Variants in TCFL5 observed in about 807,000 individuals in gnomAD.
TCFL5 encodes transcription factor like 5.
Under a neutral mutation model 44.3 loss-of-function variants are expected in TCFL5, and 9 were observed. That is an observed-to-expected ratio of 0.20 (90% confidence interval 0.12 to 0.35). The LOEUF (loss-of-function observed/expected upper bound fraction) is 0.35, where lower values mean the gene tolerates loss of function less well. Ranked by LOEUF, TCFL5 falls within the 10% of genes least tolerant of loss-of-function variation. The probability of loss-of-function intolerance (pLI) is 1.00; values close to 1 mark genes in which losing one functional copy is unlikely to be tolerated. For missense variants in TCFL5, 603 were observed against 613.4 expected (o/e 0.98, Z 0.18); for synonymous variants, 319 against 271.6 (o/e 1.17, Z -1.72).
rs1174399962 is a variant in TCFL5 at position 62,860,136 on chromosome 20, A to G, written c.820T>C (p.Ser274Pro). The stretch of plus-strand genomic sequence containing the variant: ...ATCATGTTCCCTACCTGTGTCTGTG[A>G]AAGATTAGAATTTCCACTAGTAGAG... The part of the protein sequence containing the change: ...ACSTSGNSNL[S>P]QTQSSSNSCS... The change falls in exon 2 of 6, where the codon TCA (serine) becomes CCA (proline). Residue 274 changes from serine to proline, a missense_variant. Ser to Pro is a moderately conservative substitution (Grantham distance 74). Coordinates refer to ENST00000335351, the MANE Select transcript of TCFL5 (RefSeq NM_006602.4). The G allele has an allele frequency of 6.2e-7, 1 of 1,607,316 alleles. No homozygotes were observed. The highest frequency in any genetic ancestry group is 8.5e-7 in the Non-Finnish European group (1 of 1,174,360).
intron 2 of TCFL5, 104 bp downstream of exon 2, chr20:62,860,021 A>T: frequency 2.6e-6 from 3 of 1,170,534 alleles, no homozygotes; most frequent in African/African-American, 1.5e-5. Flanking sequence ...AAAGGTTATT[A>T]AGCTCACTGA....
intron 5 of TCFL5, among the ~76,000 whole-genome samples, chr20:62,853,178 C>T (rs2063838834): frequency 6.6e-6 from 1 of 151,982 alleles, no homozygotes; most frequent in African/African-American, 2.4e-5. Context: ...AGTATAGTCA[C>T]CCAGTCCACA....
chr20:62,845,271 A>G (rs2063726236), intron 5 of TCFL5: 3 of 766,666 alleles, frequency 3.9e-6, no homozygotes, highest in African/African-American at 3.8e-5. Flanking sequence ...ACAGGCATGT[A>G]CCACCACGCC....
At chr20:62,858,307 C>T (rs184355564) in intron 3 of TCFL5, among the ~76,000 whole-genome samples, 3 of 152,350 alleles carry the variant, frequency 2.0e-5, no homozygotes, top group Non-Finnish European at 2.9e-5. Flanking sequence ...CTCATGTGCA[C>T]GCGTATGCCA....
chr20:62,851,783 C>T, intron 5 of TCFL5: 1 of 985,412 alleles, frequency 1.0e-6, no homozygotes, highest in Non-Finnish European at 1.2e-6. Flanking sequence ...CTGCGGGGAC[C>T]TCTCTCTAGC....
chr20:62,842,244 C>T lies in TCFL5; in HGVS notation c.1381-147G>A. Reference sequence around the variant, plus strand: ...GTGTCATTCACAAACTTGTGTCTTACCTCACAAGGGGATTTATATAATAAA... The same window carrying T: ...GTGTCATTCACAAACTTGTGTCTTATCTCACAAGGGGATTTATATAATAAA... On this transcript the variant is annotated intron_variant, in intron 5 of 5. Coordinates refer to ENST00000335351, the MANE Select transcript of TCFL5 (RefSeq NM_006602.4). This position sits in a 1 kb window ranked among gnomAD's most constrained non-coding sequence, Gnocchi z 4.3. The T allele has an allele frequency of 2.0e-6, 2 of 1,012,160 alleles. No homozygotes were observed. Among genetic ancestry groups the T allele is most frequent in the East Asian group, 2.6e-5 (1 of 38,028 alleles). The allele number at this position is 1,012,160 out of a possible 1,614,324, so 62.7% of individuals were successfully genotyped here. A position where few individuals can be genotyped will look rare whatever the true frequency, so the allele number is the denominator to read the frequency against.
rs746949742 is a variant in TCFL5, at chr20:62,841,991, G to A, written c.1487C>T (p.Ser496Leu). 19 of 1,614,120 alleles carry A rather than the reference G, an allele frequency of 1.2e-5. No homozygotes were observed. The highest frequency in any genetic ancestry group is 5.5e-5 in the South Asian group (5 of 91,078). Residue 496 changes from serine (S) to leucine (L), a missense_variant, in exon 6 of 6, where the codon TCG (serine) becomes TTG (leucine). Physicochemically the swap from Ser to Leu is moderately radical, Grantham distance 145. Around this residue, in one of 4 missense-constraint regions of TCFL5, gnomAD observed 41 missense variants for 61.4 expected, o/e 0.67. Transcript: ENST00000335351. Reference sequence around the variant, plus strand: ...TCAGTCCGATCACTTGATCTCCATCGAGGGGCTGCTCTGTAAACTCCCCTG... The same window carrying A: ...TCAGTCCGATCACTTGATCTCCATCAAGGGGCTGCTCTGTAAACTCCCCTG... The part of the protein sequence containing the change: ...PAQGSLQSSP[S>L]MEIK
In TCFL5 at chr20:62,861,222, G is replaced by T; in HGVS notation, c.449C>A (p.Ala150Glu). Residue 150 changes from alanine (A) to glutamate (E), a missense_variant, in exon 1 of 6, where the codon GCG (alanine) becomes GAG (glutamate). Physicochemically the swap from Ala to Glu is moderately radical, Grantham distance 107 (BLOSUM62 -1). This residue lies in a region of TCFL5 where 540 missense variants were observed against 478.7 expected (regional missense o/e 1.13). Coordinates refer to ENST00000335351, the MANE Select transcript of TCFL5 (RefSeq NM_006602.4). This position sits in a 1 kb window ranked among gnomAD's most constrained non-coding sequence, Gnocchi z 4.0. ...GGCGGCGCCGTCGGCCCGGGCCCTC[G>T]CTCCGTCCCCGCCGCCCGACGTCTT... ...AEKTSGGGDG[A>E]RARADGAAKE... is the part of the protein sequence containing the mutation. 8.7e-7 allele frequency: 1 copy of T among 1,146,884 alleles called. No individual in the cohort carries two copies. 71.0% of individuals were successfully genotyped at this position (1,146,884 alleles called of 1,614,324 possible). A position where few individuals can be genotyped will look rare whatever the true frequency, so the allele number is the denominator to read the frequency against.
At chr20:62,857,822 C>A (rs573122173) in intron 3 of TCFL5, among the ~76,000 whole-genome samples, 184 bp from the exon 4 acceptor site, 1 of 152,178 alleles carries the variant, frequency 6.6e-6, no homozygotes, top group South Asian at 2.1e-4. Flanking sequence ...GAAGCCCAAG[C>A]CTATTTTATA....
At chr20:62,852,959 C>T (rs1005571628) in intron 5 of TCFL5, 36 of 1,288,996 alleles carry the variant, frequency 2.8e-5, no homozygotes, top group South Asian at 1.9e-4. Flanking sequence ...TCACCTAGTC[C>T]GCAGAAGCAT....
chr20:62,845,337 G>A, intron 5 of TCFL5: 1 of 1,040,080 alleles, frequency 9.6e-7, no homozygotes, highest in South Asian at 2.0e-5. Context: ...TGGCCAGGCT[G>A]GTCTCGAACT....
In TCFL5 at chr20:62,854,007, ACC is replaced by A; in HGVS notation, c.1380+7_1380+8del. The A allele has an allele frequency of 1.2e-6, 2 of 1,613,018 alleles. No homozygotes were observed. Among genetic ancestry groups the A allele is most frequent in the East Asian group, 4.5e-5 (2 of 44,872 alleles). On this transcript the variant is annotated splice_region_variant and intron_variant, in intron 5 of 5. Transcript: ENST00000335351. ...AAAATTCTGAAAATCTACCTGGCCT[ACC>A]ACTAACCTTTTTAAGAGAATCTCCA... is the stretch of plus-strand genomic sequence containing the variant.
intron 5 of TCFL5, 40 bp downstream of exon 5, chr20:62,853,976 A>T: frequency 6.2e-7 from 1 of 1,604,824 alleles, no homozygotes. Flanking sequence ...GTTAAGTAAA[A>T]TTTGTAAAAT....
chr20:62,855,173 C>T (rs931577032), intron 4 of TCFL5, among the ~76,000 whole-genome samples: 8 of 152,146 alleles, frequency 5.3e-5, no homozygotes, highest in African/African-American at 1.9e-4. Flanking sequence ...AATTTTCTTT[C>T]TTTGGGGGAT....
intron 5 of TCFL5, among the ~76,000 whole-genome samples, chr20:62,853,656 T>C (rs955026217): frequency 1.3e-5 from 2 of 152,202 alleles, no homozygotes; most frequent in African/African-American, 2.4e-5. Flanking sequence ...TGGCCGGTTT[T>C]TGTTTTTCTA....
In TCFL5 at chr20:62,841,890, C is replaced by G; in HGVS notation, c.*85G>C. On this transcript the variant is annotated 3_prime_UTR_variant, in exon 6 of 6. Coordinates refer to ENST00000335351, the MANE Select transcript of TCFL5 (RefSeq NM_006602.4). ...CACGCCCTTTTCGAGTCAGACTAGC[C>G]GAGCAGAGCTCCAGGGTTGCAGAAG... 5 of 1,558,168 alleles carry G rather than the reference C, an allele frequency of 3.2e-6. No individual in the cohort carries two copies. The highest frequency in any genetic ancestry group is 1.9e-5 in the Admixed American group (1 of 52,914).
chr20:62,851,551 A>C, intron 5 of TCFL5: 1 of 985,384 alleles, frequency 1.0e-6, no homozygotes, highest in Non-Finnish European at 1.2e-6. Flanking sequence ...TCTAACAATA[A>C]TCTTCAAGAG....
chr20:62,845,726 A>G (rs765441076), intron 5 of TCFL5: 1 of 1,606,698 alleles, frequency 6.2e-7, no homozygotes, highest in Non-Finnish European at 8.5e-7. Flanking sequence ...ACTCGGAGAC[A>G]TATTTCTGTC....
chr20:62,854,290 G>T, intron 4 of TCFL5, 133 bp from the exon 5 acceptor site: 1 of 1,185,966 alleles, frequency 8.4e-7, no homozygotes. Flanking sequence ...GGAAGCGCCT[G>T]TCACCACAGG....
Sources: gnomAD v4.1 joint callset for allele counts (sites outside exome capture counted in the v4.1 genomes callset) on GRCh38, gnomAD v4.1.1 for gene constraint, gnomAD v4.1.1 regional missense constraint, Gnocchi (gnomAD v3.1) non-coding constraint, MANE v1.5 for transcripts, NCBI Gene and HGNC (gene_info 2026-07-23, HGNC 2026-07-21) for gene names.